Variants in SLC16A7 observed in about 807,000 individuals in gnomAD.
SLC16A7 encodes the protein solute carrier family 16 member 7.
A neutral mutation model predicts 34.9 loss-of-function variants in SLC16A7; 33 were observed. The ratio of observed to expected loss-of-function variants is 0.94; its 90% confidence interval spans 0.72 to 1.26. The LOEUF (loss-of-function observed/expected upper bound fraction) is 1.26, where lower values mean the gene tolerates loss of function less well. Ranked by LOEUF, SLC16A7 falls within the 50% of genes most tolerant of loss-of-function variation. The pLI is 0.00. For synonymous variants in SLC16A7, 201 were observed against 206.6 expected (o/e 0.97, Z 0.23); for missense variants, 573 against 578.1 (o/e 0.99, Z 0.09).
At chr12:59,755,982 A>C (rs964657774) in intron 3 of SLC16A7, among the ~76,000 whole-genome samples, 1 of 152,188 alleles carries the variant, frequency 6.6e-6, no homozygotes, top group African/African-American at 2.4e-5. Flanking sequence ...TCTTGGACAA[A>C]CCTGACAAAA....
rs185714731 is a variant in SLC16A7, at chr12:59,737,369, A to G, written c.217+32351A>G. On this transcript the variant is annotated intron_variant, in intron 3 of 5. Coordinates refer to ENST00000547379, the MANE Select transcript of SLC16A7 (RefSeq NM_001270623.2). ...TTGATTGCATTGTTGAGAAAGAGGAATTTCAGACCAGTTTATTAGAATTCT... is the reference window on the plus strand; with the variant it reads ...TTGATTGCATTGTTGAGAAAGAGGAGTTTCAGACCAGTTTATTAGAATTCT... Among the ~76,000 whole-genome samples the G allele has an allele frequency of 1.1e-3, 171 of 152,344 alleles. 2 individuals carry two copies. The highest frequency in any genetic ancestry group is 4.0e-3 in the African/African-American group (167 of 41,584).
intron 3 of SLC16A7, among the ~76,000 whole-genome samples, chr12:59,738,484 G>A (rs900295060): frequency 5.9e-5 from 9 of 152,120 alleles, no homozygotes; most frequent in African/African-American, 2.2e-4. Flanking sequence ...TTTATTTTCT[G>A]CAACTGGTTA....
chr12:59,671,880 T>C (rs1192012747), intron 2 of SLC16A7, among the ~76,000 whole-genome samples: 1 of 134,432 alleles, frequency 7.4e-6, no homozygotes, highest in Non-Finnish European at 1.6e-5. Context: ...TGTGTATATA[T>C]GTATATATGT....
chr12:59,781,936 A>C lies in SLC16A7; in HGVS notation c.*2257A>C, dbSNP rs1353934088. ...TATATTTTTTATTACCTTCTAGTAG[A>C]GACATCCTCCTGGGTGCATTTCAGT... On this transcript the variant is annotated 3_prime_UTR_variant, in exon 6 of 6. Transcript: ENST00000547379. The C allele has an allele frequency of 6.6e-6, 1 of 152,156 alleles. No homozygotes were observed. Among genetic ancestry groups the C allele is most frequent in the South Asian group, 2.1e-4 (1 of 4,830 alleles). The allele number at this position is 152,156 out of a possible 1,614,324, so 9.4% of individuals were successfully genotyped here.
chr12:59,686,117 G>A (rs936660776), intron 2 of SLC16A7, among the ~76,000 whole-genome samples: 1 of 32,264 alleles, frequency 3.1e-5, no homozygotes, highest in South Asian at 7.5e-4. Context: ...TTTTTTTTTT[G>A]CAGGGGAGGG....
intron 1 of SLC16A7, among the ~76,000 whole-genome samples, chr12:59,627,922 A>G (rs1880000733): frequency 6.6e-6 from 1 of 150,646 alleles, no homozygotes; most frequent in African/African-American, 2.4e-5. Flanking sequence ...TATTCAGTGT[A>G]CCAGTTTTAC....
rs138274419 is a variant in SLC16A7 at position 59,665,377 on chromosome 12, A to G, written c.-31+10127A>G. ...TATTTGTATTTCATATTATAATGCC[A>G]AAAGTAACCTATTTTTCCTATTCTA... On this transcript the variant is annotated intron_variant, in intron 2 of 5. Coordinates refer to ENST00000547379, the MANE Select transcript of SLC16A7 (RefSeq NM_001270623.2). 9.6e-4 allele frequency among the ~76,000 whole-genome samples: 146 copies of G among 152,214 alleles called. 1 individual carries two copies. Among genetic ancestry groups the G allele is most frequent in the African/African-American group, 2.8e-3 (118 of 41,574 alleles).
rs577281490 is a variant in SLC16A7 at position 59,760,524 on chromosome 12, A to T, written c.218-10695A>T. Among the ~76,000 whole-genome samples the T allele has an allele frequency of 8.7e-4, 133 of 152,268 alleles. 1 individual carries two copies. The highest frequency in any genetic ancestry group is 2.9e-3 in the African/African-American group (122 of 41,572). On this transcript the variant is annotated intron_variant, in intron 3 of 5. Coordinates refer to ENST00000547379, the MANE Select transcript of SLC16A7 (RefSeq NM_001270623.2). ...CTTAAAATAGGCACAAGAAGAGATT[A>T]ACAACAATTCATAAAAAAGAACAAT...
intron 3 of SLC16A7, among the ~76,000 whole-genome samples, chr12:59,736,651 CTT>C (rs1374770451): frequency 2.6e-5 from 4 of 152,186 alleles, no homozygotes; most frequent in Non-Finnish European, 5.9e-5. Flanking sequence ...ATCAAAATAA[CTT>C]GACCACAGAT....
chr12:59,601,990 T>C (rs184985778), intron 1 of SLC16A7, among the ~76,000 whole-genome samples: 1 of 152,318 alleles, frequency 6.6e-6, no homozygotes, highest in East Asian at 1.9e-4. Context: ...GTCAGTGGCT[T>C]TCCCTTAGTC....
At chr12:59,765,207 A>T (rs1220941426) in intron 3 of SLC16A7, among the ~76,000 whole-genome samples, 1 of 151,842 alleles carries the variant, frequency 6.6e-6, no homozygotes, top group African/African-American at 2.4e-5. Context: ...AATTTGTTTG[A>T]GTTCATTGTA....
intron 2 of SLC16A7, chr12:59,664,630 A>G (rs962036534): frequency 1.6e-4 from 24 of 152,212 alleles, no homozygotes; most frequent in African/African-American, 5.1e-4. Flanking sequence ...CATCAACACA[A>G]CACATGAGAA....
chr12:59,768,160 G>GT, intron 3 of SLC16A7: 1 of 455,532 alleles, frequency 2.2e-6, no homozygotes, highest in Non-Finnish European at 4.4e-6. Flanking sequence ...ATGAATCTGG[G>GT]AAAAGGAGAT....
chr12:59,733,300 C>T (rs902894790), intron 3 of SLC16A7, among the ~76,000 whole-genome samples: 1 of 152,154 alleles, frequency 6.6e-6, no homozygotes, highest in Non-Finnish European at 1.5e-5. Flanking sequence ...GAGCAAGGTG[C>T]AAAGCGGCGA....
At chr12:59,720,756 A>G (rs1056931852) in intron 3 of SLC16A7, among the ~76,000 whole-genome samples, 39 of 152,054 alleles carry the variant, frequency 2.6e-4, no homozygotes, top group Admixed American at 1.8e-3. Flanking sequence ...ACCATGTCGT[A>G]TCTTCCACCG....
intron 2 of SLC16A7, among the ~76,000 whole-genome samples, chr12:59,676,303 A>G (rs909675158): frequency 6.6e-6 from 1 of 152,140 alleles, no homozygotes; most frequent in African/African-American, 2.4e-5. Flanking sequence ...AAAATTTTGT[A>G]TTGAATATAT....
chr12:59,727,266 G>A (rs935795018), intron 3 of SLC16A7, among the ~76,000 whole-genome samples: 3 of 151,756 alleles, frequency 2.0e-5, no homozygotes, highest in South Asian at 4.1e-4. Context: ...TGGTGATGAC[G>A]TTAACAGTTT....
chr12:59,616,454 A>G (rs1565619318), intron 1 of SLC16A7, among the ~76,000 whole-genome samples: 1 of 152,174 alleles, frequency 6.6e-6, no homozygotes, highest in Admixed American at 6.5e-5. Context: ...GTTTTTCTGC[A>G]TTTATTTTAA....
rs79842622 is a variant in SLC16A7 at position 59,598,282 on chromosome 12, G to A, written c.-130+2046G>A. Among the ~76,000 whole-genome samples the A allele has an allele frequency of 5.5e-3, 840 of 152,292 alleles. 9 individuals carry two copies. The highest frequency in any genetic ancestry group is 0.019 in the African/African-American group (802 of 41,564). ...TTCTTGTCTATAAAATGAGATTGGT[G>A]GTACCCACTCTGAAGTGATATTGGG... is the stretch of plus-strand genomic sequence containing the variant. On this transcript the variant is annotated intron_variant, in intron 1 of 5. Coordinates refer to ENST00000547379, the MANE Select transcript of SLC16A7 (RefSeq NM_001270623.2).
Sources: allele counts gnomAD v4.1 joint callset (sites outside exome capture counted in the v4.1 genomes callset), GRCh38; gene constraint gnomAD v4.1.1; transcripts MANE v1.5; gene names NCBI Gene and HGNC (gene_info 2026-07-23, HGNC 2026-07-21).